Variants in KCNQ1 observed in about 807,000 individuals in gnomAD.
The protein encoded by KCNQ1 is potassium voltage-gated channel subfamily Q member 1.
In KCNQ1, 49 loss-of-function variants were observed where a neutral mutation model predicts 72.4. That is an observed-to-expected ratio of 0.68 (90% CI 0.54 to 0.86). The LOEUF is 0.86. KCNQ1 is among the 40% of genes least tolerant of loss of function. KCNQ1 has a pLI of 0.00. For synonymous variants in KCNQ1, 450 were observed against 412.6 expected, an observed-to-expected ratio of 1.09 and a Z score of -1.10; for missense variants, 790 against 945.1, an observed-to-expected ratio of 0.84 and a Z score of 2.15.
rs558503797 is a variant in KCNQ1, at chr11:2,486,026, C to T, written c.386+40542C>T. On this transcript the variant is annotated intron_variant, in intron 1 of 15. Coordinates refer to ENST00000155840, the MANE Select transcript of KCNQ1 (RefSeq NM_000218.3). This position sits in a 1 kb window ranked among gnomAD's most constrained non-coding sequence, Gnocchi z 5.0. ...TATGGGTGTACAAATATCTTTTCAACGCCCTGCTTTCAATTCTTTTGGGTA... is the reference window on the plus strand; with the variant it reads ...TATGGGTGTACAAATATCTTTTCAATGCCCTGCTTTCAATTCTTTTGGGTA... 1.1e-4 allele frequency among the ~76,000 whole-genome samples: 16 copies of T among 152,268 alleles called. No homozygotes were observed. Among genetic ancestry groups the T allele is most frequent in the African/African-American group, 2.6e-4 (11 of 41,544 alleles).
intron 11 of KCNQ1, among the ~76,000 whole-genome samples, chr11:2,738,635 G>A (rs368484079): frequency 6.6e-6 from 1 of 152,194 alleles, no homozygotes; most frequent in South Asian, 2.1e-4. Context: ...GAGATGCAGG[G>A]CTTAGCCTGG....
rs1042163493 is a variant in KCNQ1 at position 2,516,892 on chromosome 11, A to C, written c.387-11036A>C. 2.0e-5 allele frequency among the ~76,000 whole-genome samples: 3 copies of C among 151,540 alleles called. No individual in the cohort carries two copies. The highest frequency in any genetic ancestry group is 2.1e-4 in the South Asian group (1 of 4,792). ...CTCCCCCACCTTGCCACGACCCCCCAGAGTTTGCCTGGTGTCACCGGGAAG... is the reference window on the plus strand; with the variant it reads ...CTCCCCCACCTTGCCACGACCCCCCCGAGTTTGCCTGGTGTCACCGGGAAG... On this transcript the variant is annotated intron_variant, in intron 1 of 15. Transcript: ENST00000155840. The surrounding 1 kb of genome is among the most constrained non-coding windows in gnomAD (Gnocchi z 7.0).
chr11:2,454,230 G>C (rs1245230210), intron 1 of KCNQ1, among the ~76,000 whole-genome samples: 2 of 152,108 alleles, frequency 1.3e-5, no homozygotes, highest in African/African-American at 4.8e-5. Context: ...GGCGGGGGGG[G>C]AGGTGGCATA....
intron 2 of KCNQ1, among the ~76,000 whole-genome samples, chr11:2,532,556 C>T (rs778340225): frequency 2.4e-4 from 36 of 152,262 alleles, no homozygotes; most frequent in Admixed American, 1.8e-3. Context: ...CCTTGACAGG[C>T]GGATGTACAG....
intron 15 of KCNQ1, chr11:2,840,526 A>AGGAAAAAAGATTTTGGCGTTGGAATGGAG (rs1848186629): frequency 6.7e-6 from 1 of 149,844 alleles, no homozygotes; most frequent in Non-Finnish European, 1.5e-5. Flanking sequence ...AAAAAGTATT[A>AGGAAAAAAGATTTTGGCGTTGGAATGGAG]GGAAAAAAGA....
At chr11:2,793,457 GAAAATA>G (rs1042826170) in intron 15 of KCNQ1, among the ~76,000 whole-genome samples, 2 of 106,114 alleles carry the variant, frequency 1.9e-5, no homozygotes, top group African/African-American at 5.9e-5. Flanking sequence ...CTGTCTCTAT[GAAAATA>G]AAAATAAAAA....
At chr11:2,802,262 C>T (rs1000534998) in intron 15 of KCNQ1, among the ~76,000 whole-genome samples, 14 of 152,212 alleles carry the variant, frequency 9.2e-5, no homozygotes, top group Non-Finnish European at 8.8e-5. Context: ...AGTGACAGAG[C>T]TGGCTTTGAG....
At chr11:2,631,582 T>C (rs772450621) in intron 10 of KCNQ1, 8 of 398,490 alleles carry the variant, frequency 2.0e-5, no homozygotes, top group Non-Finnish European at 3.5e-5. Flanking sequence ...CCCAATTTCT[T>C]GGGAGTCAGT....
rs1289293210 is a variant in KCNQ1, at chr11:2,809,649, G to C, written c.1794+31612G>C. Among the ~76,000 whole-genome samples the C allele has an allele frequency of 6.6e-6, 1 of 152,054 alleles. No homozygotes were observed. Among genetic ancestry groups the C allele is most frequent in the East Asian group, 1.9e-4 (1 of 5,192 alleles). On this transcript the variant is annotated intron_variant, in intron 15 of 15. Coordinates refer to ENST00000155840, the MANE Select transcript of KCNQ1 (RefSeq NM_000218.3). The surrounding 1 kb of genome is among the most constrained non-coding windows in gnomAD (Gnocchi z 7.1). ...CTGCCTCGGTCGCTGACTCCAGAGG[G>C]CCCCACGGCTCATGCCTGCTTCCCT...
At chr11:2,584,690 AGTGT>A (rs537796687) in intron 7 of KCNQ1, among the ~76,000 whole-genome samples, 155 of 150,632 alleles carry the variant, frequency 1.0e-3, no homozygotes, top group Non-Finnish European at 1.6e-3. Context: ...TGTGTGTGTC[AGTGT>A]GTGTGTGTTA....
intron 11 of KCNQ1, among the ~76,000 whole-genome samples, chr11:2,708,906 C>A (rs1850956981): frequency 6.6e-6 from 1 of 152,094 alleles, no homozygotes; most frequent in South Asian, 2.1e-4. Context: ...ACCCGGTCAC[C>A]TTTCTCTGCT....
chr11:2,482,190 G>GTGTGTGTGTGTGTATA lies in KCNQ1; in HGVS notation c.386+36719_386+36734dup, dbSNP rs1193752335. Among the ~76,000 whole-genome samples the GTGTGTGTGTGTGTATA allele has an allele frequency of 1.3e-4, 20 of 151,562 alleles. No individual in the cohort carries two copies. Among genetic ancestry groups the GTGTGTGTGTGTGTATA allele is most frequent in the Admixed American group, 1.2e-3 (19 of 15,246 alleles). ...TGAGCAGGGTAACCCCTATCACTGC[G>GTGTGTGTGTGTGTATA]TGTGTGTGTGTGTATATGTGTGTGT... On this transcript the variant is annotated intron_variant, in intron 1 of 15. Transcript: ENST00000155840. The surrounding 1 kb of genome is among the most constrained non-coding windows in gnomAD (Gnocchi z 5.7).
intron 11 of KCNQ1, chr11:2,696,373 T>G: frequency 2.5e-6 from 1 of 398,658 alleles, no homozygotes; most frequent in Non-Finnish European, 4.4e-6. Context: ...CCCACTGATA[T>G]GTGGTGCCAC....
intron 1 of KCNQ1, among the ~76,000 whole-genome samples, chr11:2,504,640 C>A (rs756043788): frequency 2.6e-5 from 4 of 152,084 alleles, no homozygotes; most frequent in Admixed American, 2.0e-4. Flanking sequence ...ACCTGTAATC[C>A]CAGCTACTTG....
At chr11:2,812,003 G>A (rs1050095834) in intron 15 of KCNQ1, among the ~76,000 whole-genome samples, 24 of 152,000 alleles carry the variant, frequency 1.6e-4, no homozygotes, top group Non-Finnish European at 4.4e-5. Flanking sequence ...CGGCTGTGCC[G>A]CCTCTCGTTC....
chr11:2,800,788 A>G (rs906336222), intron 15 of KCNQ1, among the ~76,000 whole-genome samples: 1 of 152,212 alleles, frequency 6.6e-6, no homozygotes, highest in African/African-American at 2.4e-5. Flanking sequence ...CACGGAGAAG[A>G]GCAGGTGCTG....
chr11:2,620,435 C>T lies in KCNQ1; in HGVS notation c.1393+31581C>T, dbSNP rs182783332. The T allele has an allele frequency of 1.2e-4, 32 of 271,722 alleles. No individual in the cohort carries two copies. Among genetic ancestry groups the T allele is most frequent in the African/African-American group, 6.1e-4 (28 of 45,674 alleles). The allele number at this position is 271,722 out of a possible 1,614,324, so 16.8% of individuals were successfully genotyped here. A position where few individuals can be genotyped will look rare whatever the true frequency, so the allele number is the denominator to read the frequency against. ...TTTTCCATGTTGGTCAGGCTGGTCTCGAACTCCTGACCTCAGGTGATCCAC... is the reference window on the plus strand; with the variant it reads ...TTTTCCATGTTGGTCAGGCTGGTCTTGAACTCCTGACCTCAGGTGATCCAC... On this transcript the variant is annotated intron_variant, in intron 10 of 15. Coordinates refer to ENST00000155840, the MANE Select transcript of KCNQ1 (RefSeq NM_000218.3). This position sits in a 1 kb window ranked among gnomAD's most constrained non-coding sequence, Gnocchi z 4.5.
Position 2,699,483 on chromosome 11 carries a change from C to G in KCNQ1, c.1514+37402C>G, listed in dbSNP as rs1016576178. 212 of 355,070 alleles carry G rather than the reference C, an allele frequency of 6.0e-4. No individual in the cohort carries two copies. Among genetic ancestry groups the G allele is most frequent in the Middle Eastern group, 1.3e-3 (2 of 1,528 alleles). The allele number at this position is 355,070 out of a possible 1,614,324, so 22.0% of individuals were successfully genotyped here. Reference sequence around the variant, plus strand: ...CGGGAGAGTGCCGCGCTGAGGAGCCCCCGGGGAGAGTGCCGCGCTGAGGAG... The same window carrying G: ...CGGGAGAGTGCCGCGCTGAGGAGCCGCCGGGGAGAGTGCCGCGCTGAGGAG... On this transcript the variant is annotated intron_variant, in intron 11 of 15. Transcript: ENST00000155840.
At chr11:2,586,093 T>C (rs1848588113) in intron 8 of KCNQ1, among the ~76,000 whole-genome samples, 2 of 152,214 alleles carry the variant, frequency 1.3e-5, no homozygotes, top group Non-Finnish European at 2.9e-5. Flanking sequence ...GGGTGGGCGT[T>C]GCCGGGTTGA....
Sources: gnomAD v4.1 joint callset for allele counts (sites outside exome capture counted in the v4.1 genomes callset) on GRCh38, gnomAD v4.1.1 for gene constraint, Gnocchi (gnomAD v3.1) non-coding constraint, MANE v1.5 for transcripts, NCBI Gene and HGNC (gene_info 2026-07-23, HGNC 2026-07-21) for gene names.